Variants in NCR2 observed in about 807,000 individuals in gnomAD.
NCR2 encodes NK cell activating receptor (NKp44).
In NCR2, 35 loss-of-function variants were observed where a neutral mutation model predicts 30.7. The ratio of observed to expected loss-of-function variants is 1.14; its 90% confidence interval spans 0.87 to 1.51. The LOEUF (loss-of-function observed/expected upper bound fraction) is 1.51. Among genes scored for constraint, NCR2 ranks in the 40% most tolerant of loss-of-function variants. The pLI is 0.00. For synonymous variants in NCR2, 146 were observed against 134.8 expected (o/e 1.08, Z -0.58); for missense variants, 316 against 328.9 (o/e 0.96, Z 0.30).
chr6:41,344,831 G>A (rs533692368), intron 4 of NCR2, among the ~76,000 whole-genome samples: 7 of 152,296 alleles, frequency 4.6e-5, no homozygotes, highest in South Asian at 2.1e-4. Flanking sequence ...AGCCCCATGC[G>A]GGCCGCGGGG....
At chr6:41,345,891 C>T (rs758247674) in intron 4 of NCR2, among the ~76,000 whole-genome samples, 3 of 152,160 alleles carry the variant, frequency 2.0e-5, no homozygotes, top group Non-Finnish European at 4.4e-5. Flanking sequence ...GCCTGTTCTC[C>T]GAGGACAATG....
intron 3 of NCR2, 21 bp downstream of exon 3, chr6:41,341,950 A>G: frequency 6.2e-7 from 1 of 1,612,598 alleles, no homozygotes; most frequent in South Asian, 1.1e-5. Flanking sequence ...GGGTGCCCGT[A>G]GCCACACAGG....
Position 41,335,630 on chromosome 6 carries a change from G to T in NCR2, c.-247G>T. The T allele has an allele frequency of 3.7e-6, 2 of 546,442 alleles. No homozygotes were observed. Among genetic ancestry groups the T allele is most frequent in the South Asian group, 4.0e-5 (2 of 49,932 alleles). The allele number at this position is 546,442 out of a possible 1,614,324, so 33.8% of individuals were successfully genotyped here. A position where few individuals can be genotyped will look rare whatever the true frequency, so the allele number is the denominator to read the frequency against. ...AGCAGGCATCTTCTACAGAGGCCTG[G>T]GAAGCTGTGTGCCAGACAGCGCCGA... On this transcript the variant is annotated 5_prime_UTR_variant, in exon 1 of 5. Coordinates refer to ENST00000373089, the MANE Select transcript of NCR2 (RefSeq NM_004828.4).
chr6:41,338,088 T>C (rs1216111553), intron 2 of NCR2, among the ~76,000 whole-genome samples: 1 of 152,230 alleles, frequency 6.6e-6, no homozygotes, highest in Non-Finnish European at 1.5e-5. Flanking sequence ...ACTTAGACTT[T>C]ACTTGCCATT....
intron 4 of NCR2, among the ~76,000 whole-genome samples, chr6:41,347,051 C>T (rs774846098): frequency 2.0e-5 from 3 of 152,184 alleles, no homozygotes; most frequent in Non-Finnish European, 4.4e-5. Context: ...CTTCTCTTGT[C>T]TACACAAGAA....
chr6:41,342,787 T>C (rs187184347), intron 4 of NCR2: 500 of 713,420 alleles, frequency 7.0e-4, no homozygotes, highest in Middle Eastern at 1.7e-3. Flanking sequence ...TAGGTGGGGC[T>C]GAGTGAAAGG....
rs969013260 is a variant in NCR2, at chr6:41,342,152, G to T, written c.644+3G>T. On this transcript the variant is annotated splice_donor_region_variant and intron_variant, in intron 4 of 4. Transcript: ENST00000373089. ...CTGTCAGCCCTGCTCGTCTGGTGGTGAGTGTGGTGTGGGTTGAACTCGGGG... is the reference window on the plus strand; with the variant it reads ...CTGTCAGCCCTGCTCGTCTGGTGGTTAGTGTGGTGTGGGTTGAACTCGGGG... 2 of 1,612,296 alleles carry T rather than the reference G, an allele frequency of 1.2e-6. No individual in the cohort carries two copies. The highest frequency in any genetic ancestry group is 2.7e-5 in the African/African-American group (2 of 74,910).
intron 4 of NCR2, 124 bp from the exon 5 acceptor site, chr6:41,350,554 C>T (rs1769400892): frequency 1.3e-6 from 1 of 779,140 alleles, no homozygotes. Flanking sequence ...AGACTTCATC[C>T]TTGTGAGGTG....
intron 4 of NCR2, among the ~76,000 whole-genome samples, chr6:41,344,806 A>G (rs1769260240): frequency 1.3e-5 from 2 of 152,172 alleles, no homozygotes; most frequent in African/African-American, 4.8e-5. Context: ...CTTCTCGGCC[A>G]CCCACTTGCT....
intron 4 of NCR2, among the ~76,000 whole-genome samples, chr6:41,347,271 C>T (rs192843849): frequency 3.9e-5 from 6 of 152,258 alleles, no homozygotes; most frequent in East Asian, 1.9e-4. Context: ...ATCATCTTCC[C>T]GGGTTGTATG....
rs1769024934 is a variant in NCR2, at chr6:41,336,282, T to C, written c.248T>C (p.Ile83Thr). The stretch of plus-strand genomic sequence containing the variant: ...ATGGCTTGGACCTCTCGATTCACAA[T>C]CTGGGACGACCCTGATGCTGGCTTC... Reference protein sequence around the residue: ...RTMAWTSRFTIWDDPDAGFFT... With the variant: ...RTMAWTSRFTTWDDPDAGFFT... The change falls in exon 2 of 5, where the codon ATC becomes ACC. Residue 83 changes from isoleucine to threonine, a missense_variant. Ile to Thr is a moderately conservative substitution (Grantham distance 89, BLOSUM62 -1). Transcript: ENST00000373089. The C allele has an allele frequency of 1.2e-6, 2 of 1,614,026 alleles. No individual in the cohort carries two copies. The highest frequency in any genetic ancestry group is 2.7e-5 in the African/African-American group (2 of 74,906).
intron 4 of NCR2, among the ~76,000 whole-genome samples, chr6:41,348,335 A>G (rs932076445): frequency 6.6e-6 from 1 of 152,152 alleles, no homozygotes; most frequent in Non-Finnish European, 1.5e-5. Context: ...CTCAAATACA[A>G]TTCTCAGTAT....
intron 4 of NCR2, among the ~76,000 whole-genome samples, chr6:41,350,256 G>A (rs140786445): frequency 6.6e-6 from 1 of 152,266 alleles, no homozygotes; most frequent in East Asian, 1.9e-4. Context: ...GACAAAAGGA[G>A]AACACCCAAC....
At chr6:41,346,557 G>A (rs1769304343) in intron 4 of NCR2, among the ~76,000 whole-genome samples, 2 of 151,960 alleles carry the variant, frequency 1.3e-5, no homozygotes, top group South Asian at 4.1e-4. Context: ...CCCTTTTATT[G>A]AACTCCTCTG....
intron 2 of NCR2, among the ~76,000 whole-genome samples, chr6:41,339,773 T>C (rs77161550): frequency 0.11 from 17,018 of 152,020 alleles, 1,302 homozygotes; most frequent in East Asian, 0.31. Context: ...GATTAGGGAG[T>C]AGACATTTTG....
intron 4 of NCR2, among the ~76,000 whole-genome samples, chr6:41,348,197 T>G (rs1769348273): frequency 6.6e-6 from 1 of 152,166 alleles, no homozygotes; most frequent in Non-Finnish European, 1.5e-5. Context: ...TCCTCCCACA[T>G]GCAAAAATAC....
At chr6:41,341,691 G>T in intron 2 of NCR2, 103 bp from the exon 3 acceptor site, 3 of 1,415,228 alleles carry the variant, frequency 2.1e-6, no homozygotes, top group East Asian at 2.3e-5. Context: ...GGGCGCATGG[G>T]CTCTGTTCCC....
At chr6:41,343,098 C>A (rs1769218013) in intron 4 of NCR2, 2 of 1,300,664 alleles carry the variant, frequency 1.5e-6, no homozygotes, top group South Asian at 2.7e-5. Context: ...CTGTTATCCG[C>A]AAAGAAAAGG....
chr6:41,347,486 C>G (rs1408325217), intron 4 of NCR2, among the ~76,000 whole-genome samples: 1 of 152,204 alleles, frequency 6.6e-6, no homozygotes, highest in Non-Finnish European at 1.5e-5. Flanking sequence ...CTTGAAACAC[C>G]TCCAGTGAGT....
Sources: gnomAD v4.1 joint callset for allele counts (sites outside exome capture counted in the v4.1 genomes callset) on GRCh38, gnomAD v4.1.1 for gene constraint, MANE v1.5 for transcripts, NCBI Gene and HGNC (gene_info 2026-07-23, HGNC 2026-07-21) for gene names.